The following GMDS variants were observed in gnomAD, a reference collection of about 807,000 sequenced individuals.
GMDS encodes the protein GDP-mannose 4,6-dehydratase, also known as GDP-mannose 4,6 dehydratase.
GMDS carries 20 observed loss-of-function variants against 49.9 expected under a neutral mutation model. That is an observed-to-expected ratio of 0.40 (90% CI 0.28 to 0.58). GMDS has a LOEUF of 0.58. Among genes scored for constraint, GMDS ranks in the 20% least tolerant of loss-of-function variants. GMDS has a pLI of 0.42. For synonymous variants in GMDS, 177 were observed against 178.6 expected, an observed-to-expected ratio of 0.99 and a Z score of 0.07; for missense variants, 362 against 481.4, an observed-to-expected ratio of 0.75 and a Z score of 2.32.
intron 7 of GMDS, among the ~76,000 whole-genome samples, chr6:1,871,736 T>C (rs1758768376): frequency 6.6e-6 from 1 of 152,248 alleles, no homozygotes; most frequent in Non-Finnish European, 1.5e-5. Flanking sequence ...TATGATGTAT[T>C]CTTGTAAGGA....
chr6:1,786,674 A>T (rs1769333596), intron 7 of GMDS, among the ~76,000 whole-genome samples: 1 of 152,216 alleles, frequency 6.6e-6, no homozygotes, highest in Non-Finnish European at 1.5e-5. Context: ...GGAAGCTCGA[A>T]GCAATGCTGC....
chr6:2,196,056 C>A (rs1471659427), intron 1 of GMDS, among the ~76,000 whole-genome samples: 1 of 151,920 alleles, frequency 6.6e-6, no homozygotes, highest in Non-Finnish European at 1.5e-5. Flanking sequence ...TTTTATTAAG[C>A]AAAACATAAG....
At position 2,150,705 on chromosome 6, in the gene GMDS, G is replaced by A. The variant is rs567113753; in HGVS notation, c.103-25974C>T. Among the ~76,000 whole-genome samples the A allele has an allele frequency of 5.9e-5, 9 of 152,260 alleles. No homozygotes were observed. The East Asian group carries it at 1.5e-3, about 26-fold the overall frequency. On this transcript the variant is annotated intron_variant, in intron 1 of 10. Transcript: ENST00000380815. ...TTAAACTAAAGAATATTTAAAAGAT[G>A]GGGTGTTTCTGCAAACTTTGAAGAT...
intron 4 of GMDS, among the ~76,000 whole-genome samples, chr6:2,006,555 A>T (rs1767193274): frequency 6.6e-6 from 1 of 152,210 alleles, no homozygotes; most frequent in Admixed American, 6.5e-5. Context: ...AACAACTGCC[A>T]CAAAATACAA....
At chr6:2,004,269 C>A (rs1767015325) in intron 4 of GMDS, among the ~76,000 whole-genome samples, 1 of 152,164 alleles carries the variant, frequency 6.6e-6, no homozygotes, top group Admixed American at 6.6e-5. Context: ...TTTAAAGCAG[C>A]ATAGTCTTTA....
intron 4 of GMDS, among the ~76,000 whole-genome samples, chr6:2,073,610 T>C (rs1164783815): frequency 6.6e-6 from 1 of 152,208 alleles, no homozygotes. Context: ...CTTCTAACTG[T>C]ATGTTTGTAC....
chr6:2,051,944 C>T (rs2127437707), intron 4 of GMDS, among the ~76,000 whole-genome samples: 1 of 151,838 alleles, frequency 6.6e-6, no homozygotes, highest in Admixed American at 6.6e-5. Flanking sequence ...CGGTGAAACC[C>T]CATCCCTACT....
chr6:1,842,589 G>C (rs892718829), intron 7 of GMDS, among the ~76,000 whole-genome samples: 2 of 152,218 alleles, frequency 1.3e-5, no homozygotes, highest in South Asian at 2.1e-4. Context: ...AGAGAAGCCT[G>C]GGTCCTAGAT....
chr6:1,639,977 T>C (rs1810496), intron 9 of GMDS, among the ~76,000 whole-genome samples: 87,786 of 152,142 alleles, frequency 0.58, 25,799 homozygotes, highest in East Asian at 0.8. Flanking sequence ...CTAGGTTCCA[T>C]GATGTATAAG....
At chr6:1,657,786 G>A (rs891538358) in intron 9 of GMDS, among the ~76,000 whole-genome samples, 5 of 147,880 alleles carry the variant, frequency 3.4e-5, no homozygotes, top group African/African-American at 1.3e-4. Flanking sequence ...CTGGAGAGTT[G>A]GGCAAAATTC....
At chr6:2,113,607 T>C (rs1448734899) in intron 4 of GMDS, among the ~76,000 whole-genome samples, 1 of 152,006 alleles carries the variant, frequency 6.6e-6, no homozygotes, top group Non-Finnish European at 1.5e-5. Flanking sequence ...TCTGTAACTG[T>C]CCTCTCTATA....
chr6:1,906,835 A>G (rs1276172820), intron 7 of GMDS, among the ~76,000 whole-genome samples: 1 of 152,192 alleles, frequency 6.6e-6, no homozygotes, highest in African/African-American at 2.4e-5. Flanking sequence ...CAGGCTACTC[A>G]AAGCACAGGC....
intron 4 of GMDS, among the ~76,000 whole-genome samples, chr6:1,986,520 C>G (rs1248292205): frequency 6.6e-6 from 1 of 152,136 alleles, no homozygotes; most frequent in African/African-American, 2.4e-5. Context: ...AGAAAGTTGT[C>G]TTAAGTTTCT....
At chr6:2,035,734 T>C (rs1689592930) in intron 4 of GMDS, among the ~76,000 whole-genome samples, 1 of 152,182 alleles carries the variant, frequency 6.6e-6, no homozygotes, top group South Asian at 2.1e-4. Context: ...TCACCCAGGC[T>C]GGAGTGCAAT....
chr6:1,913,394 A>C (rs886588807), intron 7 of GMDS, among the ~76,000 whole-genome samples: 169 of 151,186 alleles, frequency 1.1e-3, no homozygotes, highest in South Asian at 2.3e-3. Context: ...CAAACAAAAA[A>C]AAAAAAAAAA....
At chr6:1,988,021 C>G (rs757787874) in intron 4 of GMDS, among the ~76,000 whole-genome samples, 1 of 152,108 alleles carries the variant, frequency 6.6e-6, no homozygotes. Context: ...GGAAAACAAC[C>G]AAACCACCAA....
intron 1 of GMDS, among the ~76,000 whole-genome samples, chr6:2,189,814 C>T (rs1778934767): frequency 6.6e-6 from 1 of 152,164 alleles, no homozygotes; most frequent in African/African-American, 2.4e-5. Context: ...TGGTCTAGGT[C>T]GGCAAAGTAA....
intron 1 of GMDS, among the ~76,000 whole-genome samples, chr6:2,185,927 A>G (rs1285255513): frequency 1.3e-5 from 2 of 152,314 alleles, no homozygotes; most frequent in African/African-American, 4.8e-5. Flanking sequence ...GATTGTTATT[A>G]TTCCCATTTT....
At chr6:1,712,331 T>C (rs1766001569) in intron 9 of GMDS, among the ~76,000 whole-genome samples, 1 of 152,240 alleles carries the variant, frequency 6.6e-6, no homozygotes, top group Non-Finnish European at 1.5e-5. Flanking sequence ...ATAATCATCC[T>C]TCACTTAGGA....
Sources: allele counts gnomAD v4.1 joint callset (sites outside exome capture counted in the v4.1 genomes callset), GRCh38; gene constraint gnomAD v4.1.1; transcripts MANE v1.5; gene names NCBI Gene and HGNC (gene_info 2026-07-23, HGNC 2026-07-21).